The following MICU1 variants were observed in gnomAD, a reference collection of about 807,000 sequenced individuals.
The protein encoded by MICU1 is mitochondrial calcium uptake 1, also known as calcium uptake protein 1, mitochondrial.
In MICU1, 45 loss-of-function variants were observed where a neutral mutation model predicts 56.8. That is an observed-to-expected ratio of 0.79 (90% CI 0.62 to 1.02). The LOEUF (loss-of-function observed/expected upper bound fraction) is 1.02, where lower values mean the gene tolerates loss of function less well. MICU1 is among the 50% of genes least tolerant of loss of function. The pLI, the probability that MICU1 is intolerant of heterozygous loss-of-function variation, is 0.00. For synonymous variants in MICU1, 186 were observed against 195.1 expected, an observed-to-expected ratio of 0.95 and a Z score of 0.39; for missense variants, 504 against 587.1, an observed-to-expected ratio of 0.86 and a Z score of 1.46.
intron 1 of MICU1, among the ~76,000 whole-genome samples, chr10:72,573,833 T>A (rs1234563442): frequency 2.6e-5 from 4 of 152,160 alleles, no homozygotes; most frequent in Admixed American, 2.6e-4. Context: ...TCAGGCCCAA[T>A]AATGTCTCAA....
At chr10:72,534,239 C>A (rs1445456105) in intron 4 of MICU1, among the ~76,000 whole-genome samples, 2 of 143,524 alleles carry the variant, frequency 1.4e-5, no homozygotes, top group Admixed American at 1.4e-4. Context: ...TAAACAGACA[C>A]AAACAGACCA....
intron 8 of MICU1, among the ~76,000 whole-genome samples, chr10:72,431,094 GTCTATCTATCTATCTATCTATCTA>G (rs143659735): frequency 1.4e-5 from 2 of 141,432 alleles, no homozygotes; most frequent in Admixed American, 1.4e-4. Context: ...TTATCTGTCT[GTCTATCTATCTATCTATCTATCTA>G]TCTATCTATC....
intron 10 of MICU1, among the ~76,000 whole-genome samples, chr10:72,388,553 T>C (rs528991915): frequency 6.6e-5 from 10 of 152,314 alleles, no homozygotes; most frequent in Middle Eastern, 3.4e-3. Context: ...GTAGAACCTA[T>C]ACCTGAACAG....
At position 72,481,873 on chromosome 10, in the gene MICU1, A is replaced by G. The variant is rs879554184; in HGVS notation, c.653-4617T>C. 2.5e-4 allele frequency among the ~76,000 whole-genome samples: 38 copies of G among 152,356 alleles called. No individual in the cohort carries two copies. The Middle Eastern group carries it at 0.014, about 55-fold the overall frequency. ...AAGACCCTACACAAAGTTTGTTACTATACACCTTTCACTTAGATTTCCTTA... is the reference window on the plus strand; with the variant it reads ...AAGACCCTACACAAAGTTTGTTACTGTACACCTTTCACTTAGATTTCCTTA... On this transcript the variant is annotated intron_variant, in intron 6 of 11. Transcript: ENST00000361114.
chr10:72,450,836 C>T (rs558856645), intron 8 of MICU1, among the ~76,000 whole-genome samples: 333 of 151,124 alleles, frequency 2.2e-3, no homozygotes, highest in African/African-American at 7.7e-3. Flanking sequence ...GCGATTCTCC[C>T]GCTTCAGCCT....
intron 1 of MICU1, among the ~76,000 whole-genome samples, chr10:72,572,480 T>C (rs1418596593): frequency 1.3e-5 from 2 of 152,020 alleles, no homozygotes; most frequent in Non-Finnish European, 2.9e-5. Flanking sequence ...GAAAAACCTG[T>C]TTAATAACTG....
At chr10:72,479,769 C>T (rs1303373250) in intron 6 of MICU1, among the ~76,000 whole-genome samples, 1 of 152,134 alleles carries the variant, frequency 6.6e-6, no homozygotes, top group Non-Finnish European at 1.5e-5. Context: ...TCAAATGATC[C>T]TCCTGCCTCA....
chr10:72,421,474 C>T (rs891242129), intron 9 of MICU1, among the ~76,000 whole-genome samples: 8 of 152,250 alleles, frequency 5.3e-5, no homozygotes, highest in African/African-American at 1.9e-4. Context: ...AGGGTTTTGC[C>T]ATGTTGGCCA....
At chr10:72,502,137 T>C (rs1867088742) in intron 6 of MICU1, among the ~76,000 whole-genome samples, 1 of 145,802 alleles carries the variant, frequency 6.9e-6, no homozygotes, top group South Asian at 2.2e-4. Context: ...TCATTAACTT[T>C]GTTTTGCTGT....
chr10:72,405,790 C>T (rs1366778845), intron 10 of MICU1, among the ~76,000 whole-genome samples: 1 of 151,990 alleles, frequency 6.6e-6, no homozygotes, highest in African/African-American at 2.4e-5. Flanking sequence ...TGACAAAATA[C>T]AGGAGCCATT....
chr10:72,384,007 T>TTTA (rs200104899), intron 10 of MICU1, among the ~76,000 whole-genome samples: 119 of 151,934 alleles, frequency 7.8e-4, no homozygotes, highest in African/African-American at 2.7e-3. Context: ...AATTTTTTTT[T>TTTA]AATTGAGACA....
chr10:72,429,994 C>T (rs983684321), intron 8 of MICU1, among the ~76,000 whole-genome samples: 11 of 152,204 alleles, frequency 7.2e-5, no homozygotes, highest in Middle Eastern at 3.4e-3. Context: ...TTAAAGTCAA[C>T]GTGAATCATG....
intron 1 of MICU1, among the ~76,000 whole-genome samples, chr10:72,624,998 A>G (rs1842194285): frequency 6.6e-6 from 1 of 152,194 alleles, no homozygotes; most frequent in Non-Finnish European, 1.5e-5. Context: ...GTCCAATGAA[A>G]CCTAAACTCT....
chr10:72,616,704 G>C (rs530692030), intron 1 of MICU1, among the ~76,000 whole-genome samples: 16 of 149,876 alleles, frequency 1.1e-4, no homozygotes, highest in Non-Finnish European at 2.4e-4. Flanking sequence ...TGTTTTATCT[G>C]ATCTTTTCAA....
intron 1 of MICU1, among the ~76,000 whole-genome samples, chr10:72,576,856 T>TG (rs1840760503): frequency 6.6e-6 from 1 of 152,218 alleles, no homozygotes; most frequent in Non-Finnish European, 1.5e-5. Flanking sequence ...CATTCATCAT[T>TG]CTGAAAATCC....
At chr10:72,552,071 A>G (rs534469092) in intron 3 of MICU1, among the ~76,000 whole-genome samples, 2 of 152,378 alleles carry the variant, frequency 1.3e-5, no homozygotes, top group Non-Finnish European at 1.5e-5. Flanking sequence ...AAGTACATTC[A>G]ATGATGGCAT....
chr10:72,566,282 G>A (rs979769923), intron 2 of MICU1, among the ~76,000 whole-genome samples: 1 of 152,112 alleles, frequency 6.6e-6, no homozygotes, highest in Non-Finnish European at 1.5e-5. Context: ...CTGACTTCAA[G>A]TGATCCAACC....
At chr10:72,618,022 C>T (rs901332889) in intron 1 of MICU1, among the ~76,000 whole-genome samples, 1 of 151,924 alleles carries the variant, frequency 6.6e-6, no homozygotes, top group Non-Finnish European at 1.5e-5. Flanking sequence ...AAAAATTAGC[C>T]AGGAGTGGTG....
At chr10:72,560,177 A>C (rs1251770947) in intron 3 of MICU1, 3 of 152,394 alleles carry the variant, frequency 2.0e-5, no homozygotes, top group African/African-American at 7.2e-5. Flanking sequence ...GGGGATTAAA[A>C]AATGCAGTTT....
Sources: gnomAD v4.1 joint callset for allele counts (sites outside exome capture counted in the v4.1 genomes callset) on GRCh38, gnomAD v4.1.1 for gene constraint, MANE v1.5 for transcripts, NCBI Gene and HGNC (gene_info 2026-07-23, HGNC 2026-07-21) for gene names.